Variants in PDE7B observed in about 807,000 individuals in gnomAD.
The protein encoded by PDE7B is phosphodiesterase 7B, also known as 3',5'-cyclic-AMP phosphodiesterase 7B.
Under a neutral mutation model 56.2 loss-of-function variants are expected in PDE7B, and 29 were observed. The observed-to-expected ratio is 0.52, with a 90% confidence interval of 0.38 to 0.70. The LOEUF (loss-of-function observed/expected upper bound fraction) is 0.70, where lower values mean the gene tolerates loss of function less well. Ranked by LOEUF, PDE7B falls within the 30% of genes least tolerant of loss-of-function variation. PDE7B has a pLI of 0.00. For missense variants in PDE7B, 490 were observed against 565.0 expected (o/e 0.87, Z 1.35); for synonymous variants, 197 against 196.9 (o/e 1.00, Z 0.00).
In PDE7B at chr6:135,993,290, A is replaced by C. The variant is rs1775505948; in HGVS notation, c.82+45766A>C. Among the ~76,000 whole-genome samples, 3 of 152,314 alleles carry C rather than the reference A, an allele frequency of 2.0e-5. No individual in the cohort carries two copies. The South Asian group carries it at 6.2e-4, about 32-fold the overall frequency. On this transcript the variant is annotated intron_variant, in intron 2 of 12. Transcript: ENST00000308191. ...ATTCCGCAATAGAGTTGAAGGTATC[A>C]CCTATTTCATCTTTCAGAGGAGTGT...
At position 135,892,723 on chromosome 6, in the gene PDE7B, C is replaced by T. The variant is rs115620412; in HGVS notation, c.21+40704C>T. On this transcript the variant is annotated intron_variant, in intron 1 of 12. Coordinates refer to ENST00000308191, the MANE Select transcript of PDE7B (RefSeq NM_018945.4). ...GTTGTTACTTATTATGGGTCAGCAT[C>T]GAAGCTCATATATAGAAGAGACGAT... Among the ~76,000 whole-genome samples the T allele has an allele frequency of 3.6e-3, 548 of 152,252 alleles. 5 individuals carry two copies. Among genetic ancestry groups the T allele is most frequent in the African/African-American group, 0.012 (516 of 41,536 alleles).
Position 136,096,273 on chromosome 6 carries a change from A to G in PDE7B, c.83-12458A>G, listed in dbSNP as rs531511284. On this transcript the variant is annotated intron_variant, in intron 2 of 12. Coordinates refer to ENST00000308191, the MANE Select transcript of PDE7B (RefSeq NM_018945.4). ...GATCAGCAACATCTTTTCTTGCAGTATTTGGCAAGTTTGTCCTTGTTCCCG... is the reference window on the plus strand; with the variant it reads ...GATCAGCAACATCTTTTCTTGCAGTGTTTGGCAAGTTTGTCCTTGTTCCCG... The G allele has an allele frequency of 3.3e-5, 5 of 152,302 alleles. No individual in the cohort carries two copies. In the East Asian group the frequency reaches 9.6e-4, roughly 29 times the overall value. 9.4% of individuals were successfully genotyped at this position (152,302 alleles called of 1,614,324 possible). A position where few individuals can be genotyped will look rare whatever the true frequency, so the allele number is the denominator to read the frequency against.
intron 1 of PDE7B, among the ~76,000 whole-genome samples, chr6:135,890,309 C>T (rs1360332481): frequency 3.3e-5 from 5 of 152,088 alleles, no homozygotes; most frequent in East Asian, 1.9e-4. Context: ...GTTTTAACAC[C>T]GTAAGTTTAT....
At position 135,928,483 on chromosome 6, in the gene PDE7B, TTATTTATATATATATATTTA is replaced by T. The variant is rs199877263; in HGVS notation, c.22-18977_22-18958del. Among the ~76,000 whole-genome samples the T allele has an allele frequency of 8.4e-4, 81 of 96,794 alleles. 1 individual carries two copies. Among genetic ancestry groups the T allele is most frequent in the Middle Eastern group, 5.3e-3 (1 of 190 alleles). 63.5% of individuals were successfully genotyped at this position (96,794 alleles called of 152,430 possible). ...TATATATTTATTTATATATATATAT[TTATTTATATATATATATTTA>T]TATATATATATTTATTTATATATAT... On this transcript the variant is annotated intron_variant, in intron 1 of 12. Transcript: ENST00000308191.
At chr6:136,190,922 G>A (rs370537188) in intron 12 of PDE7B, among the ~76,000 whole-genome samples, 1 of 151,156 alleles carries the variant, frequency 6.6e-6, no homozygotes. Flanking sequence ...TATGAATTAT[G>A]CAGCTGATCT....
intron 3 of PDE7B, among the ~76,000 whole-genome samples, chr6:136,139,824 T>G (rs1246688258): frequency 6.6e-6 from 1 of 152,200 alleles, no homozygotes; most frequent in Non-Finnish European, 1.5e-5. Flanking sequence ...GTTGTTTGTT[T>G]TTTTCTTGTA....
chr6:135,886,536 C>CTT (rs1554264062), intron 1 of PDE7B, among the ~76,000 whole-genome samples: 5 of 151,576 alleles, frequency 3.3e-5, no homozygotes, highest in African/African-American at 9.7e-5. Context: ...CTCAACCTAC[C>CTT]CTGAGTCCCC....
At chr6:136,098,770 ACTTTT>A (rs71689573) in intron 2 of PDE7B, among the ~76,000 whole-genome samples, 4,744 of 147,678 alleles carry the variant, frequency 0.032, 222 homozygotes, top group African/African-American at 0.11. Context: ...TTCCTCACCT[ACTTTT>A]CTTTTTTTTT....
intron 2 of PDE7B, among the ~76,000 whole-genome samples, chr6:136,058,138 T>C (rs1228176513): frequency 6.6e-6 from 1 of 152,190 alleles, no homozygotes; most frequent in African/African-American, 2.4e-5. Context: ...TCTTGACAAG[T>C]GGCAGATCTT....
chr6:135,885,140 G>A (rs1226555424), intron 1 of PDE7B, among the ~76,000 whole-genome samples: 1 of 152,000 alleles, frequency 6.6e-6, no homozygotes, highest in Non-Finnish European at 1.5e-5. Flanking sequence ...CTATTTCAGA[G>A]TCTAGATTTT....
intron 8 of PDE7B, among the ~76,000 whole-genome samples, chr6:136,167,065 C>T (rs1433209806): frequency 6.6e-6 from 1 of 152,070 alleles, no homozygotes; most frequent in Non-Finnish European, 1.5e-5. Context: ...CTTTAGAATG[C>T]TCTTCCCCAG....
intron 1 of PDE7B, among the ~76,000 whole-genome samples, chr6:135,941,429 C>T (rs1225267122): frequency 1.3e-5 from 2 of 152,160 alleles, no homozygotes; most frequent in Non-Finnish European, 2.9e-5. Context: ...GGCAATTGCA[C>T]CAATAAATTT....
At chr6:135,941,775 T>C (rs1275397700) in intron 1 of PDE7B, among the ~76,000 whole-genome samples, 7 of 152,232 alleles carry the variant, frequency 4.6e-5, no homozygotes, top group Non-Finnish European at 8.8e-5. Flanking sequence ...TCTTCTCAGC[T>C]GACACTCAGG....
At chr6:136,176,945 TA>T (rs1367565811) in intron 9 of PDE7B, among the ~76,000 whole-genome samples, 1 of 152,180 alleles carries the variant, frequency 6.6e-6, no homozygotes, top group East Asian at 1.9e-4. Context: ...TTTTTTGAGA[TA>T]TTTTGTATTT....
At chr6:136,059,703 C>G (rs1467139486) in intron 2 of PDE7B, among the ~76,000 whole-genome samples, 2 of 152,166 alleles carry the variant, frequency 1.3e-5, no homozygotes, top group African/African-American at 4.8e-5. Flanking sequence ...CTCGATTAAT[C>G]TCCCCAAAAT....
chr6:135,950,597 G>T lies in PDE7B; in HGVS notation c.82+3073G>T, dbSNP rs1774681252. ...CCTGAGACATCCTCATCTTTAACTG[G>T]TCAAGCCCTTGGCTCACTCCCCTGG... On this transcript the variant is annotated intron_variant, in intron 2 of 12. Transcript: ENST00000308191. Among the ~76,000 whole-genome samples, 3 of 151,988 alleles carry T rather than the reference G, an allele frequency of 2.0e-5. No individual in the cohort carries two copies. In the South Asian group the frequency reaches 6.2e-4, roughly 32 times the overall value.
intron 3 of PDE7B, among the ~76,000 whole-genome samples, chr6:136,130,179 G>A (rs1412707290): frequency 1.3e-5 from 2 of 152,110 alleles, no homozygotes; most frequent in East Asian, 1.9e-4. Flanking sequence ...TACCAGAAAG[G>A]ATACAGTCTC....
intron 8 of PDE7B, chr6:136,162,358 A>AG (rs1184128831): frequency 6.6e-6 from 1 of 152,096 alleles, no homozygotes; most frequent in African/African-American, 2.4e-5. Flanking sequence ...GCTGAGCAAA[A>AG]GGGAAAAAAA....
chr6:136,038,232 G>GCAA (rs1776360232), intron 2 of PDE7B: 2 of 1,271,082 alleles, frequency 1.6e-6, no homozygotes, highest in East Asian at 5.6e-5. Context: ...AGCAGCAACA[G>GCAA]CAGCAGCAGC....
Sources: allele counts gnomAD v4.1 joint callset (sites outside exome capture counted in the v4.1 genomes callset), GRCh38; gene constraint gnomAD v4.1.1; transcripts MANE v1.5; gene names NCBI Gene and HGNC (gene_info 2026-07-23, HGNC 2026-07-21).